Variants in MAST1 observed in about 807,000 individuals in gnomAD.
MAST1 encodes microtubule-associated serine/threonine-protein kinase 1.
A neutral mutation model predicts 124.6 loss-of-function variants in MAST1; 40 were observed. The ratio of observed to expected loss-of-function variants is 0.32; its 90% CI spans 0.25 to 0.42. The LOEUF (loss-of-function observed/expected upper bound fraction) is 0.42, where lower values mean the gene tolerates loss of function less well. Among genes scored for constraint, MAST1 ranks in the 10% least tolerant of loss-of-function variants. The pLI is 1.00. For missense variants in MAST1, 1,558 were observed against 2,181.9 expected, an observed-to-expected ratio of 0.71 and a Z score of 5.70; for synonymous variants, 938 against 939.4, an observed-to-expected ratio of 1.00 and a Z score of 0.03.
rs766257544 is a variant in MAST1 at position 12,868,713 on chromosome 19, C to T, written c.2637C>T (p.Thr879=). 2 of 1,613,206 alleles carry T rather than the reference C, an allele frequency of 1.2e-6. No homozygotes were observed. Among genetic ancestry groups the T allele is most frequent in the Non-Finnish European group, 1.7e-6 (2 of 1,179,412 alleles). Residue 879 remains threonine, a synonymous_variant, in exon 21 of 26, where the codon ACC becomes ACT. Transcript: ENST00000251472. ...KDGDASGPRA[T]NDLVLRRARH... ...GGGATGCATCAGGCCCAAGGGCTAC[C>T]AATGACTTGGTTCTGCGCCGGGCGC... is the stretch of plus-strand genomic sequence containing the variant.
rs1568414033 is a variant in MAST1 at position 12,867,606 on chromosome 19, G to T, written c.2272G>T (p.Gly758Cys). 5.0e-6 allele frequency: 8 copies of T among 1,612,232 alleles called. No homozygotes were observed. The Middle Eastern group carries it at 5.0e-4, about 100-fold the overall frequency. The change falls in exon 19 of 26, where the codon GGC becomes TGC. Residue 758 changes from glycine to cysteine, a missense_variant. Around this residue, in one of 10 missense-constraint regions of MAST1, gnomAD observed 287 missense variants for 308.0 expected, o/e 0.93. Coordinates refer to ENST00000251472, the MANE Select transcript of MAST1 (RefSeq NM_014975.3). ...GGCCGGCAAGCGGGAGGGGCTGGGC[G>T]GCCTGACCCTGCGTGAGAAGACCTG... is the stretch of plus-strand genomic sequence containing the variant. ...KVAGKREGLG[G>C]LTLREKTWRG...
In MAST1 at chr19:12,874,139, G is replaced by C; in HGVS notation, c.3982G>C (p.Val1328Leu). Residue 1328 changes from valine (V) to leucine (L), a missense_variant, in exon 26 of 26, where the codon GTC (valine) becomes CTC (leucine). Coordinates refer to ENST00000251472, the MANE Select transcript of MAST1 (RefSeq NM_014975.3). This position sits in a 1 kb window ranked among gnomAD's most constrained non-coding sequence, Gnocchi z 6.6. ...CCTTGGCGCGCCCCGGCAGGTCGCCGTCCGCCGCCTGGGCCGACAGGAGTC... is the reference window on the plus strand; with the variant it reads ...CCTTGGCGCGCCCCGGCAGGTCGCCCTCCGCCGCCTGGGCCGACAGGAGTC... ...EGLGAPRQVA[V>L]RRLGRQESPL... The C allele has an allele frequency of 6.5e-7, 1 of 1,541,158 alleles. No homozygotes were observed. The highest frequency in any genetic ancestry group is 8.7e-7 in the Non-Finnish European group (1 of 1,145,890).
In MAST1 at chr19:12,841,781, T is replaced by A. The variant is rs1969832924; in HGVS notation, c.248+715T>A. 6.6e-6 allele frequency among the ~76,000 whole-genome samples: 1 copy of A among 152,152 alleles called. No individual in the cohort carries two copies. The highest frequency in any genetic ancestry group is 6.5e-5 in the Admixed American group (1 of 15,268). Reference sequence around the variant, plus strand: ...AGGCAGGCCAGAGAATGGGGATCAGTGCAAAGGCTGATGAAGGCTGTGTTG... The same window carrying A: ...AGGCAGGCCAGAGAATGGGGATCAGAGCAAAGGCTGATGAAGGCTGTGTTG... On this transcript the variant is annotated intron_variant, in intron 3 of 25. Transcript: ENST00000251472. This position sits in a 1 kb window ranked among gnomAD's most constrained non-coding sequence, Gnocchi z 4.3.
intron 24 of MAST1, among the ~76,000 whole-genome samples, chr19:12,871,452 C>T (rs1970232998): frequency 6.6e-6 from 1 of 151,848 alleles, no homozygotes; most frequent in South Asian, 2.1e-4. Flanking sequence ...ACTAAAAATA[C>T]AAAAATTAGC....
At chr19:12,870,995 A>T in intron 23 of MAST1, 41 bp from the exon 24 acceptor site, 1 of 1,613,776 alleles carries the variant, frequency 6.2e-7, no homozygotes, top group Non-Finnish European at 8.5e-7. Context: ...GGGAGGCCTG[A>T]GCAGCCCCTA....
In MAST1 at chr19:12,848,039, G is replaced by A. The variant is rs1969918236; in HGVS notation, c.756G>A (p.Leu252=). 1.2e-6 allele frequency: 2 copies of A among 1,613,824 alleles called. No homozygotes were observed. The highest frequency in any genetic ancestry group is 1.3e-5 in the African/African-American group (1 of 74,926). Residue 252 remains leucine, a synonymous_variant, in exon 7 of 26, where the codon CTG becomes CTA. Transcript: ENST00000251472. ...ACTTCTATGAATTGCAGGAGAACCTGGAGAAGCTCCTTCAAGACGTGAGTG... is the reference window on the plus strand; with the variant it reads ...ACTTCTATGAATTGCAGGAGAACCTAGAGAAGCTCCTTCAAGACGTGAGTG... ...TVYFYELQEN[L]EKLLQDAYER...
intron 10 of MAST1, among the ~76,000 whole-genome samples, chr19:12,853,266 C>T (rs752625810): frequency 1.2e-4 from 18 of 151,532 alleles, no homozygotes; most frequent in Non-Finnish European, 1.6e-4. Context: ...CCACCGCGCC[C>T]GGCCTTTTTA....
rs369276612 is a variant in MAST1 at position 12,867,903 on chromosome 19, G to A, written c.2492G>A (p.Gly831Glu). Residue 831 changes from glycine (G) to glutamate (E), a missense_variant, in exon 20 of 26, where the codon GGA (glycine) becomes GAA (glutamate). By Grantham distance (98) the Gly-to-Glu change is moderately conservative. This residue lies in a region of MAST1 where 287 missense variants were observed against 308.0 expected (regional missense o/e 0.93). Coordinates refer to ENST00000251472, the MANE Select transcript of MAST1 (RefSeq NM_014975.3). Reference sequence around the variant, plus strand: ...CCCCGGCCCAGCTCCGACCCCGCGGGATCCCTGGATGCACGGGCCCCCAAA... The same window carrying A: ...CCCCGGCCCAGCTCCGACCCCGCGGAATCCCTGGATGCACGGGCCCCCAAA... Reference protein sequence around the residue: ...RPPRPSSDPAGSLDARAPKEE... With the variant: ...RPPRPSSDPAESLDARAPKEE... 3.4e-5 allele frequency: 54 copies of A among 1,604,276 alleles called. 2 individuals are homozygous for A. The East Asian group carries it at 3.6e-4, about 11-fold the overall frequency.
At chr19:12,850,116 G>A (rs948941004) in intron 7 of MAST1, among the ~76,000 whole-genome samples, 2 of 152,058 alleles carry the variant, frequency 1.3e-5, no homozygotes, top group Non-Finnish European at 2.9e-5. Flanking sequence ...TATTTATTAA[G>A]CACCTACTAT....
In MAST1 at chr19:12,865,272, G is replaced by A; in HGVS notation, c.1639-44G>A. 1.9e-6 allele frequency: 3 copies of A among 1,580,956 alleles called. No homozygotes were observed. Among genetic ancestry groups the A allele is most frequent in the Non-Finnish European group, 2.6e-6 (3 of 1,162,966 alleles). ...GGTGGGGGGCACAGCTCTCCCTTGA[G>A]GGCCCTCCTCTGGCTGGGGCGTGGG... On this transcript the variant is annotated intron_variant, in intron 14 of 25. Transcript: ENST00000251472. The surrounding 1 kb of genome is among the most constrained non-coding windows in gnomAD (Gnocchi z 7.1).
Position 12,838,734 on chromosome 19 carries a change from C to A in MAST1, c.83+79C>A, listed in dbSNP as rs1013722298. On this transcript the variant is annotated intron_variant, in intron 1 of 25. Coordinates refer to ENST00000251472, the MANE Select transcript of MAST1 (RefSeq NM_014975.3). This position sits in a 1 kb window ranked among gnomAD's most constrained non-coding sequence, Gnocchi z 4.3. ...CTCCGGGTACTGCTGCAGGGCGGGG[C>A]CCGGGATGCTGCGCCCGGTCCAGCT... 2.3e-6 allele frequency: 3 copies of A among 1,326,962 alleles called. No individual in the cohort carries two copies. The highest frequency in any genetic ancestry group is 3.0e-5 in the African/African-American group (2 of 66,218). The allele number at this position is 1,326,962 out of a possible 1,614,324, so 82.2% of individuals were successfully genotyped here. A position where few individuals can be genotyped will look rare whatever the true frequency, so the allele number is the denominator to read the frequency against.
chr19:12,873,296 G>A (rs199734839), intron 24 of MAST1, 28 bp from the exon 25 acceptor site: 1 of 1,601,130 alleles, frequency 6.2e-7, no homozygotes, highest in African/African-American at 1.3e-5. Context: ...CCAGGTCAAG[G>A]ACGCTTGGCC....
chr19:12,874,222 G>A lies in MAST1; in HGVS notation c.4065G>A (p.Val1355=), dbSNP rs1324365271. ...CCGAGGGTGCCTCCAGGCCACCAGT[G>A]TCGAGCAAGGAGAAGGAATCCCCGG... ...LLPEGASRPP[V]SSKEKESPGG... Residue 1355 remains valine (V), a synonymous_variant, in exon 26 of 26, where the codon GTG becomes GTA. Transcript: ENST00000251472. This position sits in a 1 kb window ranked among gnomAD's most constrained non-coding sequence, Gnocchi z 6.6. 3.2e-6 allele frequency: 5 copies of A among 1,547,874 alleles called. No homozygotes were observed. Among genetic ancestry groups the A allele is most frequent in the Non-Finnish European group, 2.6e-6 (3 of 1,149,426 alleles).
In MAST1 at chr19:12,852,398, A is replaced by G. The variant is rs1969973220; in HGVS notation, c.1077+3A>G. On this transcript the variant is annotated splice_donor_region_variant and intron_variant, in intron 10 of 25. Coordinates refer to ENST00000251472, the MANE Select transcript of MAST1 (RefSeq NM_014975.3). ...CTGAGCAAGACGATCTCTCTGAGGT[A>G]AGGCTGGGTGGCTAAGCGGTCAGTA... 6.2e-7 allele frequency: 1 copy of G among 1,613,744 alleles called. No homozygotes were observed. The highest frequency in any genetic ancestry group is 1.1e-5 in the South Asian group (1 of 91,078).
At position 12,874,926 on chromosome 19, in the gene MAST1, T is replaced by C; in HGVS notation, c.*56T>C. On this transcript the variant is annotated 3_prime_UTR_variant, in exon 26 of 26. Coordinates refer to ENST00000251472, the MANE Select transcript of MAST1 (RefSeq NM_014975.3). This position sits in a 1 kb window ranked among gnomAD's most constrained non-coding sequence, Gnocchi z 6.6. ...GCCTCCGTATACATATGTACACATA[T>C]AAATAAAGTGCGTCCGTGCTGCGTG... The C allele has an allele frequency of 6.5e-7, 1 of 1,537,110 alleles. No individual in the cohort carries two copies. Among genetic ancestry groups the C allele is most frequent in the Non-Finnish European group, 8.7e-7 (1 of 1,144,076 alleles).
intron 24 of MAST1, among the ~76,000 whole-genome samples, chr19:12,872,963 T>C (rs1473270750): frequency 6.7e-6 from 1 of 148,378 alleles, no homozygotes; most frequent in African/African-American, 2.5e-5. Flanking sequence ...GAATTGGGAG[T>C]GGCCTAAAGT....
intron 7 of MAST1, 80 bp downstream of exon 7, chr19:12,848,137 C>T: frequency 7.6e-7 from 1 of 1,311,128 alleles, no homozygotes; most frequent in South Asian, 1.3e-5. Flanking sequence ...CTTCACCCCA[C>T]ATACATTCAG....
In MAST1 at chr19:12,874,847, A is replaced by G; in HGVS notation, c.4690A>G (p.Ser1564Gly). The stretch of plus-strand genomic sequence containing the variant: ...AGGCCTGACCAAAAAAGGAGTGTCC[A>G]GTCCCGCACCCCCGGGACCATAGCC... ...PAGLTKKGVS[S>G]PAPPGP Residue 1564 changes from serine (S) to glycine (G), a missense_variant, in exon 26 of 26, where the codon AGT (serine) becomes GGT (glycine). Physicochemically the swap from Ser to Gly is moderately conservative, Grantham distance 56. Around this residue, in one of 10 missense-constraint regions of MAST1, gnomAD observed 168 missense variants for 154.3 expected, o/e 1.09. Coordinates refer to ENST00000251472, the MANE Select transcript of MAST1 (RefSeq NM_014975.3). The surrounding 1 kb of genome is among the most constrained non-coding windows in gnomAD (Gnocchi z 6.6). 4 of 1,601,066 alleles carry G rather than the reference A, an allele frequency of 2.5e-6. No homozygotes were observed. The highest frequency in any genetic ancestry group is 3.4e-6 in the Non-Finnish European group (4 of 1,173,766).
chr19:12,839,320 A>G (rs1192232541), intron 1 of MAST1, among the ~76,000 whole-genome samples: 6 of 152,146 alleles, frequency 3.9e-5, no homozygotes, highest in Non-Finnish European at 1.5e-5. Context: ...ATGCACAGAC[A>G]CACAGGGGCA....
Sources: allele counts gnomAD v4.1 joint callset (sites outside exome capture counted in the v4.1 genomes callset), GRCh38; gene constraint gnomAD v4.1.1; regional missense constraint gnomAD v4.1.1; non-coding constraint Gnocchi (gnomAD v3.1); transcripts MANE v1.5; gene names NCBI Gene and HGNC (gene_info 2026-07-23, HGNC 2026-07-21).